The following PHLPP1 variants were observed in gnomAD, a reference collection of about 807,000 sequenced individuals.
The protein encoded by PHLPP1 is PH domain and leucine rich repeat protein phosphatase 1.
A neutral mutation model predicts 117.2 loss-of-function variants in PHLPP1; 42 were observed. The ratio of observed to expected loss-of-function variants is 0.36; its 90% CI spans 0.28 to 0.46. The LOEUF (loss-of-function observed/expected upper bound fraction) is 0.46. PHLPP1 is among the 20% of genes least tolerant of loss of function. The probability of loss-of-function intolerance (pLI) is 1.00; values close to 1 mark genes in which losing one functional copy is unlikely to be tolerated. For missense variants in PHLPP1, 2,084 were observed against 2,241.9 expected, an observed-to-expected ratio of 0.93 and a Z score of 1.42; for synonymous variants, 1,042 against 970.7, an observed-to-expected ratio of 1.07 and a Z score of -1.37.
At chr18:62,864,977 A>T (rs1216463680) in intron 4 of PHLPP1, among the ~76,000 whole-genome samples, 1 of 152,156 alleles carries the variant, frequency 6.6e-6, no homozygotes, top group Admixed American at 6.5e-5. Context: ...GGTAGGACTG[A>T]TTTGTTTGCA....
In PHLPP1 at chr18:62,934,971, C is replaced by T. The variant is rs190272279; in HGVS notation, c.2961-6747C>T. Among the ~76,000 whole-genome samples, 132 of 152,202 alleles carry T rather than the reference C, an allele frequency of 8.7e-4. 1 individual carries two copies. The highest frequency in any genetic ancestry group is 6.8e-3 in the Middle Eastern group (2 of 294). On this transcript the variant is annotated intron_variant, in intron 10 of 16. Transcript: ENST00000262719. ...TTGGTATTTCTACTAAGATCAGTAA[C>T]AGGACAAGAAAGCCCGTTATTTTCA...
intron 1 of PHLPP1, among the ~76,000 whole-genome samples, chr18:62,781,150 A>C (rs1192016298): frequency 2.0e-5 from 3 of 152,218 alleles, no homozygotes; most frequent in Non-Finnish European, 4.4e-5. Flanking sequence ...CTTAATTTAA[A>C]AATTGTTGAA....
intron 3 of PHLPP1, among the ~76,000 whole-genome samples, chr18:62,856,408 T>A (rs913932930): frequency 2.0e-5 from 3 of 152,104 alleles, no homozygotes; most frequent in African/African-American, 7.2e-5. Flanking sequence ...TGTTCTCAAG[T>A]CCCTCGGACA....
intron 4 of PHLPP1, among the ~76,000 whole-genome samples, chr18:62,893,081 G>A (rs1916467551): frequency 6.7e-6 from 1 of 149,072 alleles, no homozygotes; most frequent in East Asian, 2.0e-4. Context: ...TCGCTCTATC[G>A]CCCAGGCTGG....
chr18:62,942,084 G>A (rs1267366982), intron 11 of PHLPP1, among the ~76,000 whole-genome samples, 166 bp downstream of exon 11: 1 of 152,218 alleles, frequency 6.6e-6, no homozygotes, highest in African/African-American at 2.4e-5. Flanking sequence ...TTTCCCTAAA[G>A]AGAAGTAGAT....
At position 62,715,659 on chromosome 18, in the gene PHLPP1, G is replaced by A; in HGVS notation, c.-25G>A. ...CTCCGCCCGCTGCCTCCGGAGCTGG[G>A]GGGGAAACGCGAAGCCCCACTGCAA... On this transcript the variant is annotated 5_prime_UTR_variant, in exon 1 of 17. Transcript: ENST00000262719. 2 of 1,266,894 alleles carry A rather than the reference G, an allele frequency of 1.6e-6. No individual in the cohort carries two copies. The highest frequency in any genetic ancestry group is 2.0e-6 in the Non-Finnish European group (2 of 1,007,998). The allele number at this position is 1,266,894 out of a possible 1,614,324, so 78.5% of individuals were successfully genotyped here.
At chr18:62,814,044 ATCAG>A (rs968213043) in intron 1 of PHLPP1, among the ~76,000 whole-genome samples, 5 of 152,110 alleles carry the variant, frequency 3.3e-5, no homozygotes, top group African/African-American at 2.4e-5. Flanking sequence ...GTACCAGTTA[ATCAG>A]TATTATAAAG....
At chr18:62,884,026 G>T (rs1256373247) in intron 4 of PHLPP1, among the ~76,000 whole-genome samples, 2 of 152,184 alleles carry the variant, frequency 1.3e-5, no homozygotes, top group African/African-American at 2.4e-5. Context: ...TTGCAGAATT[G>T]TAACAGCAGA....
intron 4 of PHLPP1, among the ~76,000 whole-genome samples, chr18:62,871,601 TACAGGCGTGAGTC>T (rs1915904595): frequency 6.6e-6 from 1 of 151,564 alleles, no homozygotes; most frequent in South Asian, 2.1e-4. Context: ...GTGCTGGGAT[TACAGGCGTGAGTC>T]ACCACGCCTG....
At chr18:62,833,149 C>T (rs147362265) in intron 2 of PHLPP1, among the ~76,000 whole-genome samples, 1 of 152,278 alleles carries the variant, frequency 6.6e-6, no homozygotes, top group African/African-American at 2.4e-5. Flanking sequence ...TCTTGGGTCA[C>T]TGCACTCTCT....
At position 62,899,081 on chromosome 18, in the gene PHLPP1, T is replaced by G. The variant is rs1916649939; in HGVS notation, c.2444+3070T>G. Reference sequence around the variant, plus strand: ...TCCCAAAGTGCTGGGATTACAGCCATGAGCCACTGCGCCTGGCCTCAACTA... The same window carrying G: ...TCCCAAAGTGCTGGGATTACAGCCAGGAGCCACTGCGCCTGGCCTCAACTA... On this transcript the variant is annotated intron_variant, in intron 6 of 16. Coordinates refer to ENST00000262719, the MANE Select transcript of PHLPP1 (RefSeq NM_194449.4). 2.6e-5 allele frequency among the ~76,000 whole-genome samples: 4 copies of G among 152,284 alleles called. 1 individual carries two copies. The South Asian group carries it at 8.3e-4, about 32-fold the overall frequency.
chr18:62,918,559 T>C (rs908904550), intron 9 of PHLPP1, among the ~76,000 whole-genome samples: 6 of 152,160 alleles, frequency 3.9e-5, no homozygotes, highest in African/African-American at 1.4e-4. Flanking sequence ...GTCACACTGA[T>C]AGCTAAACCT....
intron 1 of PHLPP1, among the ~76,000 whole-genome samples, chr18:62,768,113 G>T (rs547860944): frequency 2.0e-5 from 3 of 152,296 alleles, no homozygotes; most frequent in Admixed American, 2.0e-4. Flanking sequence ...CATTGACACT[G>T]AATTTAATTT....
chr18:62,732,903 G>T (rs557749771), intron 1 of PHLPP1, among the ~76,000 whole-genome samples: 2 of 152,330 alleles, frequency 1.3e-5, no homozygotes, highest in South Asian at 2.1e-4. Flanking sequence ...CTGGAGATGA[G>T]ACTGAATTGC....
chr18:62,817,256 A>G (rs528750258), intron 1 of PHLPP1, among the ~76,000 whole-genome samples: 11 of 152,316 alleles, frequency 7.2e-5, no homozygotes, highest in African/African-American at 2.4e-4. Context: ...GTGGAACTCA[A>G]CTAACACAGA....
At chr18:62,903,625 G>A (rs185238593) in intron 7 of PHLPP1, among the ~76,000 whole-genome samples, 78 of 152,110 alleles carry the variant, frequency 5.1e-4, no homozygotes, top group Non-Finnish European at 5.9e-4. Flanking sequence ...TTAGCTGGGC[G>A]TGGTGGTGTA....
chr18:62,729,681 A>G (rs1448489462), intron 1 of PHLPP1, among the ~76,000 whole-genome samples: 1 of 152,190 alleles, frequency 6.6e-6, no homozygotes, highest in Non-Finnish European at 1.5e-5. Context: ...TCTAAAAAAA[A>G]AAACCTAAAT....
chr18:62,726,583 C>CTT lies in PHLPP1; in HGVS notation c.1576+9344_1576+9345dup, dbSNP rs869190741. Among the ~76,000 whole-genome samples, 185 of 110,018 alleles carry CTT rather than the reference C, an allele frequency of 1.7e-3. 3 individuals carry two copies. Among genetic ancestry groups the CTT allele is most frequent in the African/African-American group, 3.2e-3 (90 of 28,148 alleles). The allele number at this position is 110,018 out of a possible 152,430, so 72.2% of individuals were successfully genotyped here. On this transcript the variant is annotated intron_variant, in intron 1 of 16. Transcript: ENST00000262719. Reference sequence around the variant, plus strand: ...CTTTCCTTTTCTGTTCTGTTCTGTTCTTTTTTTTTTTTTTTTTTTTTATGG... The same window carrying CTT: ...CTTTCCTTTTCTGTTCTGTTCTGTTCTTTTTTTTTTTTTTTTTTTTTTTATGG...
Position 62,830,189 on chromosome 18 carries a change from C to T in PHLPP1, c.1731C>T (p.Ser577=). Residue 577 remains serine, a synonymous_variant, in exon 2 of 17, where the codon AGC becomes AGT. Transcript: ENST00000262719. ...TCLIVSSVKD[S]LTGKMHVLPL... is the part of the protein sequence containing the mutation. ...TGATAGTATCATCTGTGAAAGACAG[C>T]TTGACCGGAAAGATGCATGTTCTGC... 4 of 1,577,360 alleles carry T rather than the reference C, an allele frequency of 2.5e-6. No individual in the cohort carries two copies. Among genetic ancestry groups the T allele is most frequent in the African/African-American group, 1.3e-5 (1 of 74,204 alleles).
Sources: gnomAD v4.1 joint callset for allele counts (sites outside exome capture counted in the v4.1 genomes callset) on GRCh38, gnomAD v4.1.1 for gene constraint, MANE v1.5 for transcripts, NCBI Gene and HGNC (gene_info 2026-07-23, HGNC 2026-07-21) for gene names.